FBRSL1: variants seen among roughly 807,000 people sequenced by gnomAD.
FBRSL1 encodes fibrosin-1-like protein.
Under a neutral mutation model 89.6 loss-of-function variants are expected in FBRSL1, and 51 were observed. The observed-to-expected ratio is 0.57, with a 90% CI of 0.45 to 0.72. The LOEUF is 0.72. FBRSL1 is among the 30% of genes least tolerant of loss of function. The probability of loss-of-function intolerance (pLI) is 0.00; values close to 1 mark genes in which losing one functional copy is unlikely to be tolerated. For synonymous variants in FBRSL1, 779 were observed against 681.1 expected (o/e 1.14, Z -2.24); for missense variants, 1,618 against 1,451.8 (o/e 1.11, Z -1.86).
intron 4 of FBRSL1, among the ~76,000 whole-genome samples, chr12:132,547,552 C>T (rs1481766039): frequency 5.9e-5 from 9 of 151,502 alleles, no homozygotes; most frequent in Admixed American, 1.3e-4. Flanking sequence ...GATCTCCCAG[C>T]CCATGTGGTG....
chr12:132,531,733 C>A (rs1477177799), intron 4 of FBRSL1, among the ~76,000 whole-genome samples: 1 of 152,190 alleles, frequency 6.6e-6, no homozygotes, highest in African/African-American at 2.4e-5. Context: ...CACCCCTTGC[C>A]ACCTGCCTGT....
At chr12:132,529,481 T>C (rs1040207211) in intron 4 of FBRSL1, among the ~76,000 whole-genome samples, 5 of 152,158 alleles carry the variant, frequency 3.3e-5, no homozygotes, top group Non-Finnish European at 5.9e-5. Flanking sequence ...CCAGCTCCCC[T>C]GAGGCTGCCC....
intron 2 of FBRSL1, chr12:132,511,884 C>T: frequency 1.0e-6 from 1 of 985,364 alleles, no homozygotes; most frequent in Non-Finnish European, 1.2e-6. Flanking sequence ...GGCCTCCATC[C>T]CAGAAGCGCA....
chr12:132,581,184 C>T (rs1482281814), intron 15 of FBRSL1: 6 of 977,488 alleles, frequency 6.1e-6, no homozygotes, highest in Non-Finnish European at 7.3e-6. Flanking sequence ...TTGCATCGCA[C>T]TCAGCACCTC....
Position 132,581,469 on chromosome 12 carries a change from G to T in FBRSL1, c.1865G>T (p.Gly622Val). The change falls in exon 16 of 19, where the codon GGA (glycine) becomes GTA (valine). Residue 622 changes from glycine (G) to valine (V), a missense_variant. Coordinates refer to ENST00000680143, the MANE Select transcript of FBRSL1 (RefSeq NM_001367871.1). ...GAAHPASNPF[G>V]PSAHPGSFLP... The stretch of plus-strand genomic sequence containing the variant: ...GCCCATCCTGCCTCCAACCCATTTG[G>T]ACCCTCAGCCCATCCTGGCAGCTTC... 1 of 1,551,098 alleles carries T rather than the reference G, an allele frequency of 6.4e-7. No homozygotes were observed. The highest frequency in any genetic ancestry group is 8.7e-7 in the Non-Finnish European group (1 of 1,146,922).
At chr12:132,581,207 C>G (rs954399431) in intron 15 of FBRSL1, 6 of 985,300 alleles carry the variant, frequency 6.1e-6, no homozygotes, top group East Asian at 2.3e-4. Context: ...TCCCTGCCCC[C>G]CTTGGGGTCC....
intron 1 of FBRSL1, among the ~76,000 whole-genome samples, chr12:132,501,753 C>T (rs2032994347): frequency 6.6e-6 from 1 of 152,118 alleles, no homozygotes; most frequent in African/African-American, 2.4e-5. Flanking sequence ...ATTCCTCGTC[C>T]CAGCAGCGCT....
At chr12:132,503,280 C>T (rs944693435) in intron 1 of FBRSL1, among the ~76,000 whole-genome samples, 2 of 152,196 alleles carry the variant, frequency 1.3e-5, no homozygotes, top group Non-Finnish European at 2.9e-5. Context: ...CGTTGCTAGG[C>T]GAGAGCCGCA....
At chr12:132,545,283 C>T (rs892583804) in intron 4 of FBRSL1, among the ~76,000 whole-genome samples, 1 of 152,236 alleles carries the variant, frequency 6.6e-6, no homozygotes, top group Non-Finnish European at 1.5e-5. Flanking sequence ...GCCCCGGCGC[C>T]GTGAATGGTC....
rs927343585 is a variant in FBRSL1 at position 132,546,612 on chromosome 12, T to C, written c.616-1391T>C. Among the ~76,000 whole-genome samples, 1 of 149,966 alleles carries C rather than the reference T, an allele frequency of 6.7e-6. No homozygotes were observed. The highest frequency in any genetic ancestry group is 1.5e-5 in the Non-Finnish European group (1 of 67,592). On this transcript the variant is annotated intron_variant, in intron 4 of 18. Transcript: ENST00000680143. This position sits in a 1 kb window ranked among gnomAD's most constrained non-coding sequence, Gnocchi z 4.0. ...TGAAAGGCCAGACCGGGGGGGACCC[T>C]AGGAGAGGGCTTGGCCACGGCTGAA... is the stretch of plus-strand genomic sequence containing the variant.
chr12:132,518,825 C>T (rs560564232), intron 2 of FBRSL1, among the ~76,000 whole-genome samples: 36 of 150,054 alleles, frequency 2.4e-4, no homozygotes, highest in South Asian at 1.1e-3. Context: ...CACCCATCTA[C>T]CCGTCCATCC....
At chr12:132,541,940 C>T (rs1466426837) in intron 4 of FBRSL1, among the ~76,000 whole-genome samples, 1 of 152,236 alleles carries the variant, frequency 6.6e-6, no homozygotes, top group African/African-American at 2.4e-5. Flanking sequence ...AGTTTCTGGG[C>T]TGCAGGTTCA....
chr12:132,533,197 TCAGAGAGC>T (rs2036441529), intron 4 of FBRSL1, among the ~76,000 whole-genome samples: 2 of 144,756 alleles, frequency 1.4e-5, no homozygotes, highest in Non-Finnish European at 3.0e-5. Flanking sequence ...CTCCCTGGAG[TCAGAGAGC>T]CACAGTCTCC....
intron 1 of FBRSL1, among the ~76,000 whole-genome samples, chr12:132,494,348 G>C (rs559071677): frequency 7.1e-4 from 108 of 152,332 alleles, no homozygotes; most frequent in African/African-American, 2.5e-3. Flanking sequence ...TGGGGTCTGA[G>C]AGGTGTATCC....
intron 2 of FBRSL1, among the ~76,000 whole-genome samples, chr12:132,522,913 C>T (rs565340765): frequency 6.6e-6 from 1 of 152,302 alleles, no homozygotes; most frequent in East Asian, 1.9e-4. Flanking sequence ...GGAACAGTCA[C>T]TCCTTTGTCA....
At chr12:132,491,735 A>G (rs2031012007) in intron 1 of FBRSL1, among the ~76,000 whole-genome samples, 1 of 152,258 alleles carries the variant, frequency 6.6e-6, no homozygotes, top group Non-Finnish European at 1.5e-5. Flanking sequence ...TGCCTACTGC[A>G]GGCCCCTGAA....
rs2037655618 is a variant in FBRSL1 at position 132,546,003 on chromosome 12, A to G, written c.616-2000A>G. Reference sequence around the variant, plus strand: ...GGCGCACTCCCTCTCGGCCCTCCCCAGGCTCCCCATGTGCAGAGGGCATCC... The same window carrying G: ...GGCGCACTCCCTCTCGGCCCTCCCCGGGCTCCCCATGTGCAGAGGGCATCC... On this transcript the variant is annotated intron_variant, in intron 4 of 18. Coordinates refer to ENST00000680143, the MANE Select transcript of FBRSL1 (RefSeq NM_001367871.1). The surrounding 1 kb of genome is among the most constrained non-coding windows in gnomAD (Gnocchi z 4.0). 1.3e-5 allele frequency among the ~76,000 whole-genome samples: 2 copies of G among 152,068 alleles called. No individual in the cohort carries two copies. Among genetic ancestry groups the G allele is most frequent in the African/African-American group, 4.8e-5 (2 of 41,410 alleles).
At position 132,490,243 on chromosome 12, in the gene FBRSL1, C is replaced by G. The variant is rs1397024389; in HGVS notation, c.-328C>G. The G allele has an allele frequency of 4.8e-5, 7 of 144,714 alleles. No homozygotes were observed. In the East Asian group the frequency reaches 1.4e-3, roughly 30 times the overall value. 9.0% of individuals were successfully genotyped at this position (144,714 alleles called of 1,614,324 possible). The stretch of plus-strand genomic sequence containing the variant: ...TCCCGCCTGCCGCCTGCCGCGCCCG[C>G]CCGGCCCCGCCCGCTCGGCCCGATC... On this transcript the variant is annotated 5_prime_UTR_variant, in exon 1 of 19. Coordinates refer to ENST00000680143, the MANE Select transcript of FBRSL1 (RefSeq NM_001367871.1).
chr12:132,512,364 T>A (rs1277872785), intron 2 of FBRSL1, among the ~76,000 whole-genome samples: 1 of 152,254 alleles, frequency 6.6e-6, no homozygotes, highest in Non-Finnish European at 1.5e-5. Context: ...CTGCACAGCC[T>A]GTCAGGTGCT....
Sources: allele counts gnomAD v4.1 joint callset (sites outside exome capture counted in the v4.1 genomes callset), GRCh38; gene constraint gnomAD v4.1.1; non-coding constraint Gnocchi (gnomAD v3.1); transcripts MANE v1.5; gene names NCBI Gene and HGNC (gene_info 2026-07-23, HGNC 2026-07-21).